The following SUSD1 variants were observed in gnomAD, a reference collection of about 807,000 sequenced individuals.
The protein encoded by SUSD1 is sushi domain-containing protein 1.
A neutral mutation model predicts 86.9 loss-of-function variants in SUSD1; 65 were observed. That is an observed-to-expected ratio of 0.75 (90% CI 0.61 to 0.92). The LOEUF is 0.92. Ranked by LOEUF, SUSD1 falls within the 40% of genes least tolerant of loss-of-function variation. SUSD1 has a pLI of 0.00. For missense variants in SUSD1, 850 were observed against 929.7 expected, an observed-to-expected ratio of 0.91 and a Z score of 1.11; for synonymous variants, 346 against 350.0, an observed-to-expected ratio of 0.99 and a Z score of 0.13.
intron 5 of SUSD1, among the ~76,000 whole-genome samples, chr9:112,125,467 TAATAACTATAA>T (rs1252017698): frequency 4.6e-5 from 7 of 151,696 alleles, no homozygotes; most frequent in Non-Finnish European, 8.8e-5. Flanking sequence ...CAAGAAAGTA[TAATAACTATAA>T]AATAAGATGG....
chr9:112,041,771 TC>T, intron 16 of SUSD1, 95 bp downstream of exon 16: 1 of 1,218,576 alleles, frequency 8.2e-7, no homozygotes, highest in East Asian at 2.5e-5. Flanking sequence ...CCACCCACAC[TC>T]CCTTTGACTC....
chr9:112,161,574 G>A (rs1833571658), intron 1 of SUSD1, among the ~76,000 whole-genome samples: 2 of 151,946 alleles, frequency 1.3e-5, no homozygotes, highest in African/African-American at 4.8e-5. Flanking sequence ...TGTAATCCCA[G>A]CACTTCGGGA....
chr9:112,041,199 A>T lies in SUSD1; in HGVS notation c.*293T>A, dbSNP rs1325157970. On this transcript the variant is annotated 3_prime_UTR_variant, in exon 17 of 17. Coordinates refer to ENST00000374270, the MANE Select transcript of SUSD1 (RefSeq NM_022486.5). The stretch of plus-strand genomic sequence containing the variant: ...TCCCAGCCAAGATTCACAGATCTGT[A>T]TGTAGCCTTCGGTCAATATCACAGT... 2 of 568,438 alleles carry T rather than the reference A, an allele frequency of 3.5e-6. No homozygotes were observed. The highest frequency in any genetic ancestry group is 3.7e-5 in the African/African-American group (2 of 53,528). 35.2% of individuals were successfully genotyped at this position (568,438 alleles called of 1,614,324 possible).
chr9:112,082,555 C>G (rs1032002450), intron 10 of SUSD1, among the ~76,000 whole-genome samples: 1 of 152,078 alleles, frequency 6.6e-6, no homozygotes, highest in Non-Finnish European at 1.5e-5. Context: ...TAGGCAGGAT[C>G]TAGAAACTGG....
At chr9:112,106,837 C>T (rs1032387017) in intron 8 of SUSD1, among the ~76,000 whole-genome samples, 1 of 150,154 alleles carries the variant, frequency 6.7e-6, no homozygotes, top group Non-Finnish European at 1.5e-5. Flanking sequence ...GAAATACACA[C>T]TCAAATAGAA....
In SUSD1 at chr9:112,111,833, A is replaced by G; in HGVS notation, c.992T>C (p.Ile331Thr). The G allele has an allele frequency of 6.2e-7, 1 of 1,613,676 alleles. No homozygotes were observed. Among genetic ancestry groups the G allele is most frequent in the Non-Finnish European group, 8.5e-7 (1 of 1,179,880 alleles). The stretch of plus-strand genomic sequence containing the variant: ...CATAGGGTCCAACCGTTGTCCTTTT[A>G]TGGATATCTTTGAGAGGAAAAGACA... ...INPKISYVISIKGQRLDPMES... is the reference protein window; with the variant it reads ...INPKISYVISTKGQRLDPMES... Residue 331 changes from isoleucine to threonine, a missense_variant, in exon 8 of 17, where the codon ATA (isoleucine) becomes ACA (threonine). Ile to Thr is a moderately conservative substitution (Grantham distance 89). Coordinates refer to ENST00000374270, the MANE Select transcript of SUSD1 (RefSeq NM_022486.5).
intron 2 of SUSD1, 86 bp from the exon 3 acceptor site, chr9:112,149,485 C>A: frequency 6.8e-7 from 1 of 1,461,394 alleles, no homozygotes; most frequent in Admixed American, 2.0e-5. Context: ...GCTATGGACT[C>A]GGGAACCAAC....
At chr9:112,052,329 C>T in intron 15 of SUSD1, 70 bp downstream of exon 15, 1 of 1,612,490 alleles carries the variant, frequency 6.2e-7, no homozygotes, top group East Asian at 2.2e-5. Context: ...ATAAACAGAT[C>T]TCATCAATAT....
chr9:112,171,636 G>A (rs1369559508), intron 1 of SUSD1, among the ~76,000 whole-genome samples: 3 of 152,116 alleles, frequency 2.0e-5, no homozygotes, highest in Non-Finnish European at 2.9e-5. Flanking sequence ...ATGGGAGAAG[G>A]GAAACACAGT....
intron 10 of SUSD1, among the ~76,000 whole-genome samples, chr9:112,094,739 T>C (rs964848027): frequency 3.3e-5 from 5 of 152,156 alleles, no homozygotes; most frequent in African/African-American, 1.2e-4. Context: ...TAGAAAAATA[T>C]GACAAGGAAA....
At chr9:112,101,760 C>T (rs1830644335) in intron 9 of SUSD1, among the ~76,000 whole-genome samples, 2 of 152,154 alleles carry the variant, frequency 1.3e-5, no homozygotes, top group Admixed American at 6.6e-5. Context: ...GCAAGAGAAT[C>T]GCTTGAACCC....
chr9:112,125,636 G>T (rs1038531714), intron 5 of SUSD1, among the ~76,000 whole-genome samples: 1 of 152,096 alleles, frequency 6.6e-6, no homozygotes, highest in African/African-American at 2.4e-5. Context: ...TCCCCAATCC[G>T]TAGAAAGCCA....
At chr9:112,132,280 G>A (rs1331384113) in intron 5 of SUSD1, among the ~76,000 whole-genome samples, 1 of 152,120 alleles carries the variant, frequency 6.6e-6, no homozygotes, top group African/African-American at 2.4e-5. Context: ...GACCAACAAT[G>A]CCAATAAATT....
Position 112,058,540 on chromosome 9 carries a change from G to A in SUSD1, c.1997C>T (p.Ala666Val), listed in dbSNP as rs1308804888. The A allele has an allele frequency of 4.3e-6, 7 of 1,613,958 alleles. No individual in the cohort carries two copies. Among genetic ancestry groups the A allele is most frequent in the Non-Finnish European group, 5.1e-6 (6 of 1,180,018 alleles). ...ELLAKDVPDD[A>V]MEIPIGDRLY... ...CCTGTCTCCTATAGGTATCTCCATGGCATCATCTGGAACATCTTTGGCCAG... is the reference window on the plus strand; with the variant it reads ...CCTGTCTCCTATAGGTATCTCCATGACATCATCTGGAACATCTTTGGCCAG... Residue 666 changes from alanine to valine, a missense_variant, in exon 14 of 17, where the codon GCC becomes GTC. Physicochemically the swap from Ala to Val is moderately conservative, Grantham distance 64. Transcript: ENST00000374270.
chr9:112,079,950 A>G, intron 11 of SUSD1, 124 bp downstream of exon 11: 1 of 645,292 alleles, frequency 1.5e-6, no homozygotes, highest in Non-Finnish European at 2.7e-6. Flanking sequence ...TCTTGATGCA[A>G]TTGTCACAGT....
chr9:112,072,948 C>T (rs556299349), intron 12 of SUSD1, among the ~76,000 whole-genome samples: 28 of 152,288 alleles, frequency 1.8e-4, no homozygotes, highest in African/African-American at 5.8e-4. Context: ...TTGGAACCAG[C>T]CAGGGGAGAT....
At chr9:112,161,245 T>G (rs1183002997) in intron 1 of SUSD1, among the ~76,000 whole-genome samples, 1 of 151,772 alleles carries the variant, frequency 6.6e-6, no homozygotes, top group Non-Finnish European at 1.5e-5. Context: ...CCAGGCGTGG[T>G]GGCACACACC....
Position 112,041,209 on chromosome 9 carries a change from C to T in SUSD1, c.*283G>A, listed in dbSNP as rs1405567671. The T allele has an allele frequency of 2.3e-5, 13 of 573,774 alleles. No homozygotes were observed. Among genetic ancestry groups the T allele is most frequent in the Middle Eastern group, 4.6e-4 (1 of 2,166 alleles). 35.5% of individuals were successfully genotyped at this position (573,774 alleles called of 1,614,324 possible). On this transcript the variant is annotated 3_prime_UTR_variant, in exon 17 of 17. Coordinates refer to ENST00000374270, the MANE Select transcript of SUSD1 (RefSeq NM_022486.5). ...GATTCACAGATCTGTATGTAGCCTT[C>T]GGTCAATATCACAGTGTACATCAGG... is the stretch of plus-strand genomic sequence containing the variant.
At chr9:112,080,255 A>G in intron 10 of SUSD1, 90 bp from the exon 11 acceptor site, 1 of 870,070 alleles carries the variant, frequency 1.1e-6, no homozygotes, top group South Asian at 1.4e-5. Context: ...GATAAGTGTT[A>G]GCATGAGTTC....
Sources: gnomAD v4.1 joint callset for allele counts (sites outside exome capture counted in the v4.1 genomes callset) on GRCh38, gnomAD v4.1.1 for gene constraint, MANE v1.5 for transcripts, NCBI Gene and HGNC (gene_info 2026-07-23, HGNC 2026-07-21) for gene names.